The following NRXN3 variants were observed in gnomAD, a reference collection of about 807,000 sequenced individuals.
NRXN3 encodes neurexin 3.
In NRXN3, 32 loss-of-function variants were observed where a neutral mutation model predicts 137.6. That is an observed-to-expected ratio of 0.23 (90% CI 0.18 to 0.31). The LOEUF (loss-of-function observed/expected upper bound fraction) is 0.31, where lower values mean the gene tolerates loss of function less well. Among genes scored for constraint, NRXN3 ranks in the 10% least tolerant of loss-of-function variants. NRXN3 has a pLI of 1.00. For missense variants in NRXN3, 1,574 were observed against 2,062.5 expected, an observed-to-expected ratio of 0.76 and a Z score of 4.59; for synonymous variants, 798 against 784.5, an observed-to-expected ratio of 1.02 and a Z score of -0.29.
chr14:79,661,878 G>T (rs988094060), intron 16 of NRXN3: 3 of 152,000 alleles, frequency 2.0e-5, no homozygotes, highest in Admixed American at 2.0e-4. Context: ...ATATGGTTTG[G>T]CTGTGTTCCC....
chr14:78,387,218 A>C (rs2090098526), intron 4 of NRXN3, among the ~76,000 whole-genome samples: 1 of 152,208 alleles, frequency 6.6e-6, no homozygotes, highest in Non-Finnish European at 1.5e-5. Context: ...TATTGAAGGA[A>C]ATAATGATTT....
intron 4 of NRXN3, among the ~76,000 whole-genome samples, chr14:78,426,559 C>T (rs1446175973): frequency 1.3e-5 from 2 of 152,136 alleles, no homozygotes; most frequent in East Asian, 3.9e-4. Context: ...ACAGTTAACC[C>T]TGGGTGTTTT....
chr14:79,404,983 A>G (rs187944509), intron 15 of NRXN3, among the ~76,000 whole-genome samples: 143 of 152,262 alleles, frequency 9.4e-4, no homozygotes, highest in African/African-American at 3.2e-3. Flanking sequence ...TTGATGCATC[A>G]GGGGGCCTAA....
At chr14:79,520,767 A>G (rs1452964163) in intron 16 of NRXN3, among the ~76,000 whole-genome samples, 1 of 152,246 alleles carries the variant, frequency 6.6e-6, no homozygotes, top group African/African-American at 2.4e-5. Flanking sequence ...GTCAGGAAAC[A>G]GCAGATGCTG....
In NRXN3 at chr14:79,092,190, T is replaced by C. The variant is rs142024976; in HGVS notation, c.3262+104049T>C. On this transcript the variant is annotated intron_variant, in intron 15 of 20. Coordinates refer to ENST00000335750, the MANE Select transcript of NRXN3 (RefSeq NM_001330195.2). ...CAGTTCTAATATGCAGGGAACACGT[T>C]TGAAACGGGATCACAGTTGACTATT... Among the ~76,000 whole-genome samples, 777 of 152,292 alleles carry C rather than the reference T, an allele frequency of 5.1e-3. 9 individuals are homozygous for C. The highest frequency in any genetic ancestry group is 0.022 in the South Asian group (107 of 4,824).
chr14:78,202,883 A>G (rs1414618738), intron 1 of NRXN3, among the ~76,000 whole-genome samples: 1 of 152,196 alleles, frequency 6.6e-6, no homozygotes. Flanking sequence ...CATTTTCTGT[A>G]TTACATATGA....
chr14:79,625,236 C>T (rs1253258198), intron 16 of NRXN3, among the ~76,000 whole-genome samples: 1 of 152,120 alleles, frequency 6.6e-6, no homozygotes, highest in East Asian at 1.9e-4. Flanking sequence ...ACATCTACCA[C>T]AATGTCTTTA....
intron 16 of NRXN3, among the ~76,000 whole-genome samples, chr14:79,495,137 T>C (rs1342632665): frequency 6.6e-6 from 1 of 152,182 alleles, no homozygotes; most frequent in Non-Finnish European, 1.5e-5. Context: ...AGTCTAGGAC[T>C]GTTCCTGAGG....
chr14:79,523,569 G>A (rs747906841), intron 16 of NRXN3, among the ~76,000 whole-genome samples: 25 of 152,160 alleles, frequency 1.6e-4, no homozygotes, highest in Non-Finnish European at 3.5e-4. Flanking sequence ...ATCTGAGATC[G>A]ACAGCTGATT....
chr14:79,582,454 C>T (rs949874324), intron 16 of NRXN3, among the ~76,000 whole-genome samples: 1 of 152,146 alleles, frequency 6.6e-6, no homozygotes, highest in African/African-American at 2.4e-5. Flanking sequence ...CGGAGTCTTG[C>T]TCTGTCACTA....
At chr14:78,827,716 C>A (rs973467719) in intron 10 of NRXN3, among the ~76,000 whole-genome samples, 2 of 152,202 alleles carry the variant, frequency 1.3e-5, no homozygotes, top group African/African-American at 4.8e-5. Context: ...TGATTTGGGG[C>A]ACTGCAGTGG....
intron 15 of NRXN3, chr14:79,072,417 A>C (rs977836875): frequency 6.6e-6 from 1 of 152,190 alleles, no homozygotes; most frequent in Non-Finnish European, 1.5e-5. Flanking sequence ...GATGATGCTG[A>C]CTTCCGATAC....
rs199694499 is a variant in NRXN3 at position 79,822,826 on chromosome 14, A to AACAG, written c.4093+17639_4093+17640insGACA. 3.3e-3 allele frequency among the ~76,000 whole-genome samples: 509 copies of AACAG among 152,200 alleles called. 6 individuals are homozygous for AACAG. Among genetic ancestry groups the AACAG allele is most frequent in the East Asian group, 0.033 (172 of 5,174 alleles). On this transcript the variant is annotated intron_variant, in intron 20 of 20. Coordinates refer to ENST00000335750, the MANE Select transcript of NRXN3 (RefSeq NM_001330195.2). Reference sequence around the variant, plus strand: ...AGATTTCCAAACAAACAAACAAACAAACAAACAAAAAAACCAAAAAAGCCA... The same window carrying AACAG: ...AGATTTCCAAACAAACAAACAAACAAACAGACAAACAAAAAAACCAAAAAAGCCA...
chr14:78,230,343 TC>T (rs2065230820), intron 1 of NRXN3, among the ~76,000 whole-genome samples: 2 of 151,970 alleles, frequency 1.3e-5, no homozygotes, highest in Non-Finnish European at 2.9e-5. Flanking sequence ...TCTCTCTCTC[TC>T]TCTCTCTGGC....
chr14:79,849,981 C>G (rs79538461), intron 20 of NRXN3, among the ~76,000 whole-genome samples: 1 of 152,174 alleles, frequency 6.6e-6, no homozygotes, highest in Non-Finnish European at 1.5e-5. Flanking sequence ...ACAGGGTTCT[C>G]TACTTTCGTT....
chr14:78,491,983 G>A (rs75542837), intron 4 of NRXN3, among the ~76,000 whole-genome samples: 2,902 of 152,216 alleles, frequency 0.019, 47 homozygotes, highest in Non-Finnish European at 0.03. Context: ...TTCGGATTCC[G>A]CCTCTGCTGC....
chr14:78,505,861 G>A (rs1277694548), intron 4 of NRXN3, among the ~76,000 whole-genome samples: 1 of 152,056 alleles, frequency 6.6e-6, no homozygotes, highest in Non-Finnish European at 1.5e-5. Context: ...TATACAAAGA[G>A]CTGTACATAT....
At chr14:78,894,003 A>G (rs1482832607) in intron 10 of NRXN3, among the ~76,000 whole-genome samples, 2 of 151,950 alleles carry the variant, frequency 1.3e-5, no homozygotes, top group African/African-American at 4.8e-5. Flanking sequence ...GCTGATGATA[A>G]TCTGAGCATA....
At chr14:79,602,461 A>T (rs1292110112) in intron 16 of NRXN3, among the ~76,000 whole-genome samples, 1 of 152,140 alleles carries the variant, frequency 6.6e-6, no homozygotes, top group East Asian at 1.9e-4. Flanking sequence ...TCTTCATCTT[A>T]CTTTCTTTAA....
Sources: gnomAD v4.1 joint callset for allele counts (sites outside exome capture counted in the v4.1 genomes callset) on GRCh38, gnomAD v4.1.1 for gene constraint, MANE v1.5 for transcripts, NCBI Gene and HGNC (gene_info 2026-07-23, HGNC 2026-07-21) for gene names.